Variants in UNC13C observed in about 807,000 individuals in gnomAD.
UNC13C encodes the protein protein unc-13 homolog C.
A neutral mutation model predicts 245.4 loss-of-function variants in UNC13C; 174 were observed. The ratio of observed to expected loss-of-function variants is 0.71; its 90% CI spans 0.63 to 0.80. The LOEUF (loss-of-function observed/expected upper bound fraction) is 0.80. Ranked by LOEUF, UNC13C falls within the 30% of genes least tolerant of loss-of-function variation. UNC13C has a pLI of 0.00. For synonymous variants in UNC13C, 992 were observed against 895.1 expected, an observed-to-expected ratio of 1.11 and a Z score of -1.93; for missense variants, 2,829 against 2,602.9, an observed-to-expected ratio of 1.09 and a Z score of -1.89.
chr15:53,864,047 A>T, the UNC13C span, among the ~76,000 whole-genome samples: 1 of 152,100 alleles, frequency 6.6e-6, no homozygotes, highest in Admixed American at 6.6e-5. Flanking sequence ...TTGTACATAC[A>T]CTTTTTTGGC....
At chr15:54,250,749 C>CTTTTTTTTTTTTT (rs1296024773) in intron 8 of UNC13C, among the ~76,000 whole-genome samples, 29 of 88,874 alleles carry the variant, frequency 3.3e-4, no homozygotes, top group Non-Finnish European at 5.2e-4. Context: ...TTCTTTCTTT[C>CTTTTTTTTTTTTT]TTTTTTTTTT....
the UNC13C span, among the ~76,000 whole-genome samples, chr15:53,884,684 A>G: frequency 6.6e-6 from 1 of 152,008 alleles, no homozygotes; most frequent in Non-Finnish European, 1.5e-5. Context: ...CTGCTCTTTG[A>G]ATATATTGAG....
chr15:54,033,615 C>A (rs1321624018), intron 2 of UNC13C, among the ~76,000 whole-genome samples: 3 of 152,054 alleles, frequency 2.0e-5, no homozygotes, highest in Non-Finnish European at 4.4e-5. Context: ...AATAAAATCC[C>A]CTAAAGTTTT....
intron 30 of UNC13C, among the ~76,000 whole-genome samples, chr15:54,611,796 A>G (rs1436812420): frequency 6.6e-6 from 1 of 152,170 alleles, no homozygotes; most frequent in East Asian, 1.9e-4. Context: ...AAAACAATAG[A>G]AAATACAGAG....
At chr15:54,531,241 A>G (rs1206763267) in intron 25 of UNC13C, among the ~76,000 whole-genome samples, 2 of 152,280 alleles carry the variant, frequency 1.3e-5, no homozygotes, top group Middle Eastern at 3.4e-3. Flanking sequence ...TATAGATGCT[A>G]TGGAAGCCAT....
chr15:54,277,428 C>A (rs2036861310), intron 10 of UNC13C, among the ~76,000 whole-genome samples: 1 of 152,072 alleles, frequency 6.6e-6, no homozygotes. Flanking sequence ...CCTTACAGAA[C>A]AATGTATAAG....
intron 4 of UNC13C, among the ~76,000 whole-genome samples, chr15:54,208,378 G>A (rs919543386): frequency 6.6e-5 from 10 of 152,054 alleles, no homozygotes; most frequent in African/African-American, 1.7e-4. Context: ...ATTAATGTGC[G>A]TATGTAGCTA....
chr15:53,888,134 C>A, the UNC13C span, among the ~76,000 whole-genome samples: 1 of 152,196 alleles, frequency 6.6e-6, no homozygotes, highest in Non-Finnish European at 1.5e-5. Context: ...ACTGCACTGT[C>A]TTCCACAATG....
intron 4 of UNC13C, among the ~76,000 whole-genome samples, 185 bp from the exon 5 acceptor site, chr15:54,234,845 C>G (rs1322281956): frequency 2.6e-5 from 4 of 152,136 alleles, no homozygotes; most frequent in Non-Finnish European, 5.9e-5. Flanking sequence ...AATGTGGTAG[C>G]TACAGTCTTT....
intron 19 of UNC13C, among the ~76,000 whole-genome samples, chr15:54,472,643 AAAAC>A (rs1892523607): frequency 6.6e-6 from 1 of 151,790 alleles, no homozygotes; most frequent in African/African-American, 2.4e-5. Flanking sequence ...TTTTTTCTGA[AAAAC>A]AGAGTTGCAA....
intron 19 of UNC13C, among the ~76,000 whole-genome samples, chr15:54,424,349 G>C (rs2040714236): frequency 6.6e-6 from 1 of 151,854 alleles, no homozygotes; most frequent in Non-Finnish European, 1.5e-5. Flanking sequence ...CATGAAATCA[G>C]CTTTCTAGAA....
intron 5 of UNC13C, among the ~76,000 whole-genome samples, chr15:54,235,826 C>A (rs28631134): frequency 0.061 from 9,223 of 151,740 alleles, 979 homozygotes; most frequent in African/African-American, 0.21. Flanking sequence ...CTCCAGCCTG[C>A]GTGACAGAGC....
intron 4 of UNC13C, among the ~76,000 whole-genome samples, chr15:54,150,141 TA>T (rs1409668552): frequency 6.6e-6 from 1 of 152,248 alleles, no homozygotes; most frequent in African/African-American, 2.4e-5. Context: ...TTAGTGTTTC[TA>T]TTTTTTTGGT....
intron 8 of UNC13C, among the ~76,000 whole-genome samples, chr15:54,252,201 A>G (rs11855939): frequency 0.12 from 18,751 of 152,174 alleles, 1,329 homozygotes; most frequent in Non-Finnish European, 0.15. Flanking sequence ...TAAATTCCTT[A>G]GAGAAAAAAA....
chr15:54,164,968 A>G (rs1208555319), intron 4 of UNC13C, among the ~76,000 whole-genome samples: 1 of 152,232 alleles, frequency 6.6e-6, no homozygotes, highest in Non-Finnish European at 1.5e-5. Flanking sequence ...ATAAAAACAA[A>G]ATCACTTGTA....
chr15:54,258,187 T>C (rs1178271051), intron 8 of UNC13C, among the ~76,000 whole-genome samples: 4 of 152,050 alleles, frequency 2.6e-5, no homozygotes, highest in Non-Finnish European at 5.9e-5. Flanking sequence ...AGTTATTTTC[T>C]CTAGTTTTTT....
intron 19 of UNC13C, among the ~76,000 whole-genome samples, chr15:54,491,123 C>G (rs1893681784): frequency 6.6e-6 from 1 of 152,184 alleles, no homozygotes; most frequent in Non-Finnish European, 1.5e-5. Flanking sequence ...GGGCAAGAGA[C>G]ACACCCAGTA....
intron 18 of UNC13C, among the ~76,000 whole-genome samples, chr15:54,409,955 T>G (rs1243493509): frequency 6.6e-6 from 1 of 152,216 alleles, no homozygotes; most frequent in Non-Finnish European, 1.5e-5. Flanking sequence ...CTCCAAACTG[T>G]TTTCCACAGT....
chr15:53,903,289 G>A, the UNC13C span, among the ~76,000 whole-genome samples: 4 of 152,142 alleles, frequency 2.6e-5, no homozygotes, highest in African/African-American at 7.2e-5. Flanking sequence ...TAAATAAAAG[G>A]GCTCAGACAT....
Sources: allele counts gnomAD v4.1 joint callset (sites outside exome capture counted in the v4.1 genomes callset), GRCh38; gene constraint gnomAD v4.1.1; transcripts MANE v1.5; gene names NCBI Gene and HGNC (gene_info 2026-07-23, HGNC 2026-07-21).